LCT: variants seen among roughly 807,000 people sequenced by gnomAD.
LCT encodes lactase/phlorizin hydrolase.
Under a neutral mutation model 173.0 loss-of-function variants are expected in LCT, and 90 were observed. The observed-to-expected ratio is 0.52, with a 90% CI of 0.44 to 0.62. LCT has a LOEUF of 0.62. LCT is among the 20% of genes least tolerant of loss of function. The pLI is 0.00. For synonymous variants in LCT, 853 were observed against 957.6 expected, an observed-to-expected ratio of 0.89 and a Z score of 2.02; for missense variants, 1,864 against 2,431.4, an observed-to-expected ratio of 0.77 and a Z score of 4.91.
chr2:135,816,940 C>T (rs2077785156), intron 6 of LCT, among the ~76,000 whole-genome samples: 1 of 151,482 alleles, frequency 6.6e-6, no homozygotes, highest in Non-Finnish European at 1.5e-5. Flanking sequence ...AAAATCTTGG[C>T]TCACTGCAGC....
chr2:135,808,595 C>T lies in LCT; in HGVS notation c.3752G>A (p.Trp1251Ter). The T allele has an allele frequency of 1.2e-6, 2 of 1,614,244 alleles. No individual in the cohort carries two copies. Among genetic ancestry groups the T allele is most frequent in the Non-Finnish European group, 1.7e-6 (2 of 1,180,042 alleles). Residue 1251 changes from tryptophan to a stop codon, truncating the protein, a stop_gained, in exon 8 of 17, where the codon TGG becomes TAG. Transcript: ENST00000264162. LOFTEE classifies it high-confidence loss of function. ...PSTAMNRAAPWGTRRLLNWIK... is the reference protein window; with the variant it reads ...PSTAMNRAAP ...CCAGTTCAGCAGCCTTCGCGTCCCCCAGGGCGCAGCTCTGTTCATTGCCGT... is the reference window on the plus strand; with the variant it reads ...CCAGTTCAGCAGCCTTCGCGTCCCCTAGGGCGCAGCTCTGTTCATTGCCGT...
At chr2:135,805,656 A>G (rs1473807066) in intron 9 of LCT, among the ~76,000 whole-genome samples, 1 of 152,210 alleles carries the variant, frequency 6.6e-6, no homozygotes, top group African/African-American at 2.4e-5. Context: ...TAGCTGGGGA[A>G]TAAAGGGGTC....
At chr2:135,805,189 T>TG (rs994179792) in intron 9 of LCT, 132 bp from the exon 10 acceptor site, 51 of 908,560 alleles carry the variant, frequency 5.6e-5, no homozygotes, top group Admixed American at 1.4e-4. Context: ...ACAAGCACAT[T>TG]GGTCCATGTG....
chr2:135,835,498 A>G (rs2077979530), intron 1 of LCT, among the ~76,000 whole-genome samples: 1 of 63,840 alleles, frequency 1.6e-5, no homozygotes, highest in Admixed American at 1.8e-4. Context: ...ATATATATAT[A>G]TATATATATA....
intron 7 of LCT, among the ~76,000 whole-genome samples, chr2:135,811,125 G>C (rs534416550): frequency 6.6e-6 from 1 of 152,226 alleles, no homozygotes; most frequent in South Asian, 2.1e-4. Flanking sequence ...AGAATCGCTT[G>C]AGCCCAGGAG....
intron 3 of LCT, among the ~76,000 whole-genome samples, chr2:135,827,358 G>T (rs1269367303): frequency 2.0e-5 from 3 of 152,164 alleles, no homozygotes; most frequent in African/African-American, 7.2e-5. Flanking sequence ...TGGTTAAATT[G>T]TTTAAACCTT....
At chr2:135,820,565 T>C (rs2077819562) in intron 5 of LCT, 1 of 152,300 alleles carries the variant, frequency 6.6e-6, no homozygotes, top group South Asian at 2.1e-4. Context: ...GACAGTCAAG[T>C]ACTGGAAGAG....
Position 135,812,735 on chromosome 2 carries a change from G to A in LCT, c.1929C>T (p.Ala643=), listed in dbSNP as rs2077745981. The change falls in exon 7 of 17, where the codon GCC becomes GCT. Residue 643 remains alanine (A), a synonymous_variant. Transcript: ENST00000264162. ...TCTGTTGGATCTGGGTCCTCAGGGT[G>A]GCTGGGTAGTCTCCATCCACAAAGA... is the stretch of plus-strand genomic sequence containing the variant. ...HPVFVDGDYP[A]TLRTQIQQMN... 2 of 1,614,128 alleles carry A rather than the reference G, an allele frequency of 1.2e-6. No individual in the cohort carries two copies. The highest frequency in any genetic ancestry group is 2.2e-5 in the South Asian group (2 of 91,094).
chr2:135,800,562 A>C (rs1476415134), intron 12 of LCT, 45 bp downstream of exon 12: 1 of 1,471,628 alleles, frequency 6.8e-7, no homozygotes, highest in Non-Finnish European at 9.5e-7. Flanking sequence ...GGCTGGAAGG[A>C]AAGATGGACA....
Position 135,790,929 on chromosome 2 carries a change from G to A in LCT, c.5112-48C>T. The A allele has an allele frequency of 7.1e-7, 1 of 1,408,912 alleles. No individual in the cohort carries two copies. The highest frequency in any genetic ancestry group is 1.0e-6 in the Non-Finnish European group (1 of 993,802). 87.3% of individuals were successfully genotyped at this position (1,408,912 alleles called of 1,614,324 possible). A position where few individuals can be genotyped will look rare whatever the true frequency, so the allele number is the denominator to read the frequency against. On this transcript the variant is annotated intron_variant, in intron 14 of 16. Coordinates refer to ENST00000264162, the MANE Select transcript of LCT (RefSeq NM_002299.4). The surrounding 1 kb of genome is among the most constrained non-coding windows in gnomAD (Gnocchi z 4.1). ...TGAGGTCTTGTTTTGTAAATCTCAA[G>A]AGGCCCTTTACACGAAACACAAAAC...
At position 135,809,895 on chromosome 2, in the gene LCT, G is replaced by T. The variant is rs751328599; in HGVS notation, c.2452C>A (p.His818Asn). 1 of 1,614,064 alleles carries T rather than the reference G, an allele frequency of 6.2e-7. No individual in the cohort carries two copies. The highest frequency in any genetic ancestry group is 8.5e-7 in the Non-Finnish European group (1 of 1,180,024). Reference protein sequence around the residue: ...PSGYSQRFGLHHVNFSDSSKS... With the variant: ...PSGYSQRFGLNHVNFSDSSKS... ...CTGCTGTCGCTGAAGTTGACGTGGT[G>T]CAGGCCAAACCGCTGGCTGTAACCA... Residue 818 changes from histidine (H) to asparagine (N), a missense_variant, in exon 8 of 17, where the codon CAC becomes AAC. Transcript: ENST00000264162. This position sits in a 1 kb window ranked among gnomAD's most constrained non-coding sequence, Gnocchi z 5.5.
Position 135,812,526 on chromosome 2 carries a change from A to G in LCT, c.2138T>C (p.Val713Ala). The part of the protein sequence containing the change: ...YDTIGGFSQH[V>A]NHVWPQTSSS... ...TGAGGTCTGGGGCCACACATGGTTC[A>G]CGTGTTGGGAGAAGCCTCCAATGGT... The change falls in exon 7 of 17, where the codon GTG becomes GCG. Residue 713 changes from valine (V) to alanine (A), a missense_variant. Physicochemically the swap from Val to Ala is moderately conservative, Grantham distance 64 (BLOSUM62 0). Around this residue, in one of 4 missense-constraint regions of LCT, gnomAD observed 755 missense variants for 926.3 expected, o/e 0.82. Coordinates refer to ENST00000264162, the MANE Select transcript of LCT (RefSeq NM_002299.4). 6.2e-7 allele frequency: 1 copy of G among 1,614,186 alleles called. No homozygotes were observed. The highest frequency in any genetic ancestry group is 8.5e-7 in the Non-Finnish European group (1 of 1,180,016).
chr2:135,808,647 C>T lies in LCT; in HGVS notation c.3700G>A (p.Glu1234Lys). The change falls in exon 8 of 17, where the codon GAG (glutamate) becomes AAG (lysine). Residue 1234 changes from glutamate to lysine, a missense_variant. By Grantham distance (56) the Glu-to-Lys change is moderately conservative. This residue lies in a region of LCT where 755 missense variants were observed against 926.3 expected (regional missense o/e 0.82). Transcript: ENST00000264162. ...GAAGGCCACGAAGGGTCCTCCTCCTCAGCCATCTCCTGGTCGTCTTCGTAG... is the reference window on the plus strand; with the variant it reads ...GAAGGCCACGAAGGGTCCTCCTCCTTAGCCATCTCCTGGTCGTCTTCGTAG... Reference protein sequence around the residue: ...PSYEDDQEMAEEEDPSWPSTA... With the variant: ...PSYEDDQEMAKEEDPSWPSTA... The T allele has an allele frequency of 6.2e-7, 1 of 1,614,244 alleles. No individual in the cohort carries two copies. Among genetic ancestry groups the T allele is most frequent in the Non-Finnish European group, 8.5e-7 (1 of 1,180,046 alleles).
chr2:135,824,145 G>A, intron 3 of LCT, 142 bp from the exon 4 acceptor site: 1 of 702,310 alleles, frequency 1.4e-6, no homozygotes, highest in South Asian at 1.5e-5. Context: ...AATTAAAGGA[G>A]TCAACTCTAG....
At chr2:135,791,647 G>A (rs1436632058) in intron 14 of LCT, among the ~76,000 whole-genome samples, 1 of 152,236 alleles carries the variant, frequency 6.6e-6, no homozygotes, top group Non-Finnish European at 1.5e-5. Context: ...CACTAGTGGA[G>A]GTCTTCCCAG....
intron 3 of LCT, among the ~76,000 whole-genome samples, chr2:135,826,299 A>G (rs970198498): frequency 5.3e-5 from 8 of 151,678 alleles, no homozygotes; most frequent in African/African-American, 1.9e-4. Flanking sequence ...CATGCCTGTA[A>G]TCTCAGCACT....
At chr2:135,832,026 G>A (rs2077945190) in intron 2 of LCT, among the ~76,000 whole-genome samples, 1 of 152,114 alleles carries the variant, frequency 6.6e-6, no homozygotes. Context: ...AGACAAGCCT[G>A]ACCAACATGG....
chr2:135,832,315 G>A (rs1274667672), intron 2 of LCT, among the ~76,000 whole-genome samples: 1 of 151,666 alleles, frequency 6.6e-6, no homozygotes, highest in East Asian at 2.0e-4. Flanking sequence ...TTGGGAGGCT[G>A]AGGTGGGAGG....
intron 13 of LCT, among the ~76,000 whole-genome samples, chr2:135,795,025 A>G (rs2077570267): frequency 9.4e-6 from 1 of 106,488 alleles, no homozygotes; most frequent in African/African-American, 3.7e-5. Flanking sequence ...CCACACACAC[A>G]CGCACCCACG....
Sources: gnomAD v4.1 joint callset for allele counts (sites outside exome capture counted in the v4.1 genomes callset) on GRCh38, gnomAD v4.1.1 for gene constraint, gnomAD v4.1.1 regional missense constraint, Gnocchi (gnomAD v3.1) non-coding constraint, MANE v1.5 for transcripts, NCBI Gene and HGNC (gene_info 2026-07-23, HGNC 2026-07-21) for gene names.